Variants in MYO1C observed in about 807,000 individuals in gnomAD.
MYO1C encodes the protein unconventional myosin-Ic.
A neutral mutation model predicts 150.8 loss-of-function variants in MYO1C; 104 were observed. That is an observed-to-expected ratio of 0.69 (90% CI 0.59 to 0.81). The LOEUF (loss-of-function observed/expected upper bound fraction) is 0.81, where lower values mean the gene tolerates loss of function less well. Among genes scored for constraint, MYO1C ranks in the 30% least tolerant of loss-of-function variants. MYO1C has a pLI of 0.00. For missense variants in MYO1C, 1,504 were observed against 1,435.0 expected (o/e 1.05, Z -0.78); for synonymous variants, 663 against 579.9 (o/e 1.14, Z -2.06).
chr17:1,489,011 C>A (rs1368056151), intron 1 of MYO1C, among the ~76,000 whole-genome samples: 1 of 152,188 alleles, frequency 6.6e-6, no homozygotes, highest in African/African-American at 2.4e-5. Context: ...GCACACAGAT[C>A]TTGCCATGGG....
At position 1,483,741 on chromosome 17, in the gene MYO1C, G is replaced by C; in HGVS notation, c.232-16C>G. 1.3e-6 allele frequency: 2 copies of C among 1,588,256 alleles called. No homozygotes were observed. Among genetic ancestry groups the C allele is most frequent in the East Asian group, 2.3e-5 (1 of 44,236 alleles). On this transcript the variant is annotated splice_polypyrimidine_tract_variant and intron_variant, in intron 2 of 31. Transcript: ENST00000648651. ...CAATGTAGGTCTGGGATCGGGGGAA[G>C]AGGGTCCAAAGTTTATCCCGGGCCA...
intron 25 of MYO1C, 186 bp from the exon 26 acceptor site, chr17:1,468,682 G>A (rs111500748): frequency 1.6e-4 from 96 of 615,478 alleles, no homozygotes; most frequent in African/African-American, 1.6e-3. Context: ...ACCCTCTGCC[G>A]CCACCAAGCA....
chr17:1,470,726 G>A (rs376278700), intron 21 of MYO1C, 37 bp from the exon 22 acceptor site: 14 of 1,585,604 alleles, frequency 8.8e-6, no homozygotes, highest in African/African-American at 1.3e-5. Flanking sequence ...GCCAGAGCGC[G>A]GGGAGCCAGC....
At chr17:1,487,510 G>A (rs913991341) in intron 1 of MYO1C, among the ~76,000 whole-genome samples, 1 of 152,218 alleles carries the variant, frequency 6.6e-6, no homozygotes, top group African/African-American at 2.4e-5. Flanking sequence ...GGACCCCCGA[G>A]CGGGGGCACC....
At position 1,479,425 on chromosome 17, in the gene MYO1C, C is replaced by A; in HGVS notation, c.1092+6G>T. ...TCCACACCCGAGGGCAAGGGCCCGG[C>A]CTCACCTCCTCCCCCTTGGCGATGA... On this transcript the variant is annotated splice_donor_region_variant and intron_variant, in intron 9 of 31. Transcript: ENST00000648651. This position sits in a 1 kb window ranked among gnomAD's most constrained non-coding sequence, Gnocchi z 4.2. 1.5e-6 allele frequency: 2 copies of A among 1,350,134 alleles called. No homozygotes were observed. The highest frequency in any genetic ancestry group is 2.1e-6 in the Non-Finnish European group (2 of 969,498). 83.6% of individuals were successfully genotyped at this position (1,350,134 alleles called of 1,614,324 possible).
intron 14 of MYO1C, 111 bp downstream of exon 14, chr17:1,477,394 C>T (rs2150949977): frequency 1.0e-6 from 1 of 987,844 alleles, no homozygotes; most frequent in Non-Finnish European, 1.6e-6. Context: ...CAGCACCGTC[C>T]CTGGTCACCT....
intron 17 of MYO1C, among the ~76,000 whole-genome samples, chr17:1,474,263 C>A (rs1031167219): frequency 6.6e-6 from 1 of 151,992 alleles, no homozygotes. Context: ...CCCATCTCTA[C>A]TTAAAATACA....
intron 1 of MYO1C, chr17:1,485,652 C>T: frequency 8.3e-7 from 1 of 1,200,250 alleles, no homozygotes; most frequent in Non-Finnish European, 1.0e-6. Context: ...TGGGGAGGGA[C>T]GCCCGGGACC....
At chr17:1,469,864 G>C (rs375970740) in intron 24 of MYO1C, among the ~76,000 whole-genome samples, 13 of 152,174 alleles carry the variant, frequency 8.5e-5, no homozygotes, top group Admixed American at 3.9e-4. Flanking sequence ...GTGAAACCCC[G>C]TCTCTACTAA....
rs1467341802 is a variant in MYO1C, at chr17:1,484,203, C to T, written c.176G>A (p.Ser59Asn). The stretch of plus-strand genomic sequence containing the variant: ...CAGGTTCTCGATGAAGGCGGCCTCG[C>T]TGGTGAAGTTCTCCAGCAGCACGAA... ...QDFVLLENFT[S>N]EAAFIENLRR... The change falls in exon 2 of 32, where the codon AGC (serine) becomes AAC (asparagine). Residue 59 changes from serine to asparagine, a missense_variant. Coordinates refer to ENST00000648651, the MANE Select transcript of MYO1C (RefSeq NM_001080779.2). The T allele has an allele frequency of 6.2e-7, 1 of 1,613,030 alleles. No homozygotes were observed. The highest frequency in any genetic ancestry group is 2.2e-5 in the East Asian group (1 of 44,874).
intron 5 of MYO1C, 98 bp from the exon 6 acceptor site, chr17:1,480,983 A>T: frequency 7.4e-7 from 1 of 1,350,644 alleles, no homozygotes; most frequent in Non-Finnish European, 1.0e-6. Context: ...TGGCAGCCAG[A>T]CCTGGATGCC....
At chr17:1,484,672 G>C (rs2074614225) in intron 1 of MYO1C, 3 of 433,990 alleles carry the variant, frequency 6.9e-6, no homozygotes, top group Non-Finnish European at 1.3e-5. Context: ...GTCACAAGAA[G>C]GAACTCCTTG....
At position 1,479,648 on chromosome 17, in the gene MYO1C, T is replaced by C. The variant is rs758282219; in HGVS notation, c.964A>G (p.Asn322Asp). The C allele has an allele frequency of 7.4e-6, 12 of 1,613,576 alleles. No homozygotes were observed. The highest frequency in any genetic ancestry group is 1.0e-5 in the Non-Finnish European group (12 of 1,179,938). The change falls in exon 8 of 32, where the codon AAC becomes GAC. Residue 322 changes from asparagine (N) to aspartate (D), a missense_variant. By Grantham distance (23) the Asn-to-Asp change is conservative (BLOSUM62 1). Transcript: ENST00000648651. This position sits in a 1 kb window ranked among gnomAD's most constrained non-coding sequence, Gnocchi z 4.2. ...LHLGNIHFAA[N>D]EESNAQVTTE... Reference sequence around the variant, plus strand: ...GTGACCTGGGCATTGCTCTCCTCGTTGGCAGCAAAGTGGATGTTGCCCAAA... The same window carrying C: ...GTGACCTGGGCATTGCTCTCCTCGTCGGCAGCAAAGTGGATGTTGCCCAAA...
At chr17:1,470,131 G>A (rs1311992660) in intron 24 of MYO1C, 44 bp downstream of exon 24, 1 of 1,575,138 alleles carries the variant, frequency 6.3e-7, no homozygotes, top group Non-Finnish European at 8.6e-7. Flanking sequence ...CCCTTCTGCT[G>A]TGTACTATGA....
At chr17:1,484,016 TG>T in intron 2 of MYO1C, 131 bp downstream of exon 2, 1 of 1,201,924 alleles carries the variant, frequency 8.3e-7, no homozygotes, top group Non-Finnish European at 1.2e-6. Flanking sequence ...CACTCCAGCC[TG>T]GGCAACAAGA....
chr17:1,469,464 C>T, intron 25 of MYO1C, 67 bp downstream of exon 25: 2 of 1,120,994 alleles, frequency 1.8e-6, no homozygotes, highest in Admixed American at 2.5e-5. Context: ...AGGCGGACAC[C>T]CTTTGAGCAA....
chr17:1,485,468 G>T, intron 1 of MYO1C: 1 of 668,876 alleles, frequency 1.5e-6, no homozygotes, highest in Non-Finnish European at 1.9e-6. Context: ...TCGGGTCAGG[G>T]GTCTCCGCGT....
At chr17:1,477,806 G>A (rs747246993) in intron 13 of MYO1C, 85 bp downstream of exon 13, 25 of 1,362,796 alleles carry the variant, frequency 1.8e-5, no homozygotes, top group Middle Eastern at 2.3e-4. Context: ...CTGGCCCTCC[G>A]TGGACCAGCC....
Position 1,472,396 on chromosome 17 carries a change from C to G in MYO1C, c.1798-168G>C, listed in dbSNP as rs1033819965. The G allele has an allele frequency of 6.3e-6, 4 of 635,144 alleles. No homozygotes were observed. In the African/African-American group the frequency reaches 7.3e-5, roughly 12 times the overall value. 39.3% of individuals were successfully genotyped at this position (635,144 alleles called of 1,614,324 possible). Reference sequence around the variant, plus strand: ...CCTCGCAGCAGAGGAGGGGGCCAGACTCCACCCCTTACCCCTCTGGCTGGG... The same window carrying G: ...CCTCGCAGCAGAGGAGGGGGCCAGAGTCCACCCCTTACCCCTCTGGCTGGG... On this transcript the variant is annotated intron_variant, in intron 17 of 31. Coordinates refer to ENST00000648651, the MANE Select transcript of MYO1C (RefSeq NM_001080779.2).
Sources: gnomAD v4.1 joint callset for allele counts (sites outside exome capture counted in the v4.1 genomes callset) on GRCh38, gnomAD v4.1.1 for gene constraint, Gnocchi (gnomAD v3.1) non-coding constraint, MANE v1.5 for transcripts, NCBI Gene and HGNC (gene_info 2026-07-23, HGNC 2026-07-21) for gene names.